Variants in LYPD6 observed in about 807,000 individuals in gnomAD.
LYPD6 encodes ly6/PLAUR domain-containing protein 6.
In LYPD6, 15 loss-of-function variants were observed where a neutral mutation model predicts 22.7. That is an observed-to-expected ratio of 0.66 (90% CI 0.44 to 1.02). LYPD6 has a LOEUF of 1.02. Among genes scored for constraint, LYPD6 ranks in the 50% least tolerant of loss-of-function variants. The probability of loss-of-function intolerance (pLI) is 0.00; values close to 1 mark genes in which losing one functional copy is unlikely to be tolerated. For synonymous variants in LYPD6, 72 were observed against 77.5 expected, an observed-to-expected ratio of 0.93 and a Z score of 0.37; for missense variants, 189 against 208.4, an observed-to-expected ratio of 0.91 and a Z score of 0.57.
chr2:149,456,261 T>A (rs1255224663), intron 3 of LYPD6, among the ~76,000 whole-genome samples: 1 of 152,218 alleles, frequency 6.6e-6, no homozygotes, highest in Non-Finnish European at 1.5e-5. Context: ...TTTTTTTCTT[T>A]CGCTTTCAAT....
intron 1 of LYPD6, among the ~76,000 whole-genome samples, chr2:149,382,159 T>C (rs1015844726): frequency 6.6e-6 from 1 of 152,174 alleles, no homozygotes; most frequent in East Asian, 1.9e-4. Context: ...TAATGGAAGT[T>C]TTGGTTGCTT....
intron 1 of LYPD6, among the ~76,000 whole-genome samples, chr2:149,335,647 CCCACTCACTCACTTG>C (rs1240177841): frequency 1.3e-5 from 2 of 152,182 alleles, no homozygotes; most frequent in East Asian, 1.9e-4. Flanking sequence ...ACTTCTACTT[CCCACTCACTCACTTG>C]CCACTCACTC....
At chr2:149,435,198 A>G (rs1683403263) in intron 1 of LYPD6, among the ~76,000 whole-genome samples, 1 of 152,126 alleles carries the variant, frequency 6.6e-6, no homozygotes, top group East Asian at 1.9e-4. Context: ...CGACACCTTG[A>G]TCTTGGACTT....
At chr2:149,340,043 G>T (rs1164197890) in intron 1 of LYPD6, among the ~76,000 whole-genome samples, 2 of 152,042 alleles carry the variant, frequency 1.3e-5, no homozygotes, top group Non-Finnish European at 2.9e-5. Context: ...TACTATTTCT[G>T]CCTTTTCTTT....
At chr2:149,449,804 A>G (rs552577845) in intron 3 of LYPD6, among the ~76,000 whole-genome samples, 26 of 151,450 alleles carry the variant, frequency 1.7e-4, no homozygotes, top group South Asian at 1.0e-3. Flanking sequence ...AGGAAAGTCT[A>G]TTTATTTGGT....
At chr2:149,382,303 T>C (rs1483519558) in intron 1 of LYPD6, among the ~76,000 whole-genome samples, 1 of 152,208 alleles carries the variant, frequency 6.6e-6, no homozygotes, top group Non-Finnish European at 1.5e-5. Flanking sequence ...TCACATCTCA[T>C]ACAATGCTAA....
At chr2:149,483,460 GCT>G in the LYPD6 span, among the ~76,000 whole-genome samples, 9,182 of 148,726 alleles carry the variant, frequency 0.062, 680 homozygotes, top group African/African-American at 0.18. Flanking sequence ...CTCTCCTTCC[GCT>G]CTCTTTCTCT....
At chr2:149,361,404 G>C (rs1007485386) in intron 1 of LYPD6, among the ~76,000 whole-genome samples, 6 of 152,138 alleles carry the variant, frequency 3.9e-5, no homozygotes, top group African/African-American at 1.4e-4. Context: ...TGCTTTTAGA[G>C]CTTCTCCTGT....
chr2:149,342,969 G>A (rs902766278), intron 1 of LYPD6, among the ~76,000 whole-genome samples: 1 of 152,086 alleles, frequency 6.6e-6, no homozygotes, highest in Non-Finnish European at 1.5e-5. Context: ...CTCAATGAAG[G>A]GCACTGCATT....
chr2:149,410,736 A>C (rs1001543969), intron 1 of LYPD6, among the ~76,000 whole-genome samples: 4 of 152,218 alleles, frequency 2.6e-5, no homozygotes, highest in Non-Finnish European at 5.9e-5. Flanking sequence ...GCTATTGTTC[A>C]TGCGAGTCAG....
intron 1 of LYPD6, among the ~76,000 whole-genome samples, chr2:149,427,288 C>T (rs977606730): frequency 1.3e-5 from 2 of 152,024 alleles, no homozygotes; most frequent in African/African-American, 4.8e-5. Flanking sequence ...TGGAATATCT[C>T]TAGGGTAAAA....
chr2:149,405,392 A>G (rs546670790), intron 1 of LYPD6, among the ~76,000 whole-genome samples: 1 of 152,246 alleles, frequency 6.6e-6, no homozygotes, highest in East Asian at 1.9e-4. Flanking sequence ...TAAGCTATTG[A>G]TTATTGCCAC....
intron 1 of LYPD6, among the ~76,000 whole-genome samples, chr2:149,401,389 C>G (rs1271650369): frequency 6.6e-6 from 1 of 152,190 alleles, no homozygotes; most frequent in African/African-American, 2.4e-5. Context: ...AGCAGAAGTG[C>G]CAGGCACAGG....
chr2:149,401,036 C>T (rs533927179), intron 1 of LYPD6, among the ~76,000 whole-genome samples: 1 of 152,204 alleles, frequency 6.6e-6, no homozygotes, highest in African/African-American at 2.4e-5. Flanking sequence ...AGCTAGAAGG[C>T]TGAAGGACAA....
At chr2:149,464,805 A>C (rs924587568) in intron 3 of LYPD6, among the ~76,000 whole-genome samples, 1 of 152,236 alleles carries the variant, frequency 6.6e-6, no homozygotes, top group African/African-American at 2.4e-5. Context: ...ACATTTCAGA[A>C]GACTTGGAGA....
chr2:149,407,083 A>G (rs1338122663), intron 1 of LYPD6, among the ~76,000 whole-genome samples: 1 of 152,066 alleles, frequency 6.6e-6, no homozygotes, highest in Non-Finnish European at 1.5e-5. Flanking sequence ...TGGCTTGTAG[A>G]GTTTCTGCCG....
intron 1 of LYPD6, among the ~76,000 whole-genome samples, chr2:149,393,541 G>C (rs1160606637): frequency 6.6e-6 from 1 of 152,144 alleles, no homozygotes; most frequent in Non-Finnish European, 1.5e-5. Flanking sequence ...CTGAGTTAGG[G>C]GGCATAAAAG....
chr2:149,343,844 C>T (rs989887734), intron 1 of LYPD6, among the ~76,000 whole-genome samples: 2 of 151,668 alleles, frequency 1.3e-5, no homozygotes, highest in African/African-American at 2.4e-5. Flanking sequence ...TCAGCACTTC[C>T]AAAGGAGGAC....
intron 1 of LYPD6, among the ~76,000 whole-genome samples, chr2:149,430,062 A>G (rs554090477): frequency 1.3e-5 from 2 of 152,306 alleles, no homozygotes; most frequent in African/African-American, 4.8e-5. Flanking sequence ...TAGACCTCAC[A>G]TCTCAATGGA....
Sources: gnomAD v4.1 joint callset for allele counts (sites outside exome capture counted in the v4.1 genomes callset) on GRCh38, gnomAD v4.1.1 for gene constraint, MANE v1.5 for transcripts, NCBI Gene and HGNC (gene_info 2026-07-23, HGNC 2026-07-21) for gene names.